Variants in SLC39A11 observed in about 807,000 individuals in gnomAD.
SLC39A11 encodes solute carrier family 39 member 11, also known as zinc transporter ZIP11.
Under a neutral mutation model 36.1 loss-of-function variants are expected in SLC39A11, and 33 were observed. The observed-to-expected ratio is 0.91, with a 90% CI of 0.69 to 1.22. SLC39A11 has a LOEUF of 1.22. Ranked by LOEUF, SLC39A11 falls within the 50% of genes most tolerant of loss-of-function variation. The pLI, the probability that SLC39A11 is intolerant of heterozygous loss-of-function variation, is 0.00. For synonymous variants in SLC39A11, 166 were observed against 170.3 expected (o/e 0.97, Z 0.20); for missense variants, 432 against 430.3 (o/e 1.00, Z -0.03).
chr17:72,974,344 C>A (rs2087680928), intron 4 of SLC39A11, among the ~76,000 whole-genome samples: 1 of 151,892 alleles, frequency 6.6e-6, no homozygotes, highest in South Asian at 2.1e-4. Context: ...AGGTGATCCA[C>A]CCACCTTGGC....
intron 4 of SLC39A11, among the ~76,000 whole-genome samples, chr17:73,030,873 G>T (rs752155782): frequency 2.0e-5 from 3 of 152,138 alleles, no homozygotes. Flanking sequence ...CGGTTTGCAC[G>T]GTGCTTCCCT....
intron 5 of SLC39A11, among the ~76,000 whole-genome samples, chr17:72,883,441 G>A (rs759968924): frequency 7.2e-5 from 11 of 151,780 alleles, no homozygotes; most frequent in Non-Finnish European, 1.6e-4. Flanking sequence ...GGTACCTCCT[G>A]GGTAGTATTT....
intron 3 of SLC39A11, among the ~76,000 whole-genome samples, chr17:73,053,191 AAAC>A (rs1317091670): frequency 3.3e-5 from 5 of 152,240 alleles, no homozygotes; most frequent in East Asian, 3.9e-4. Flanking sequence ...ATCTCAAACA[AAAC>A]AACAACAGAA....
intron 7 of SLC39A11, among the ~76,000 whole-genome samples, chr17:72,652,930 C>T (rs1042477692): frequency 6.6e-6 from 1 of 152,062 alleles, no homozygotes; most frequent in Non-Finnish European, 1.5e-5. Context: ...TCTTGCTTCT[C>T]CTAGGCTGGC....
intron 6 of SLC39A11, among the ~76,000 whole-genome samples, chr17:72,752,820 C>G (rs997629799): frequency 6.6e-6 from 1 of 152,140 alleles, no homozygotes; most frequent in Non-Finnish European, 1.5e-5. Flanking sequence ...AAGCTCTCAA[C>G]AATTTCATCT....
At chr17:72,906,971 G>A (rs1254527901) in intron 5 of SLC39A11, among the ~76,000 whole-genome samples, 2 of 152,118 alleles carry the variant, frequency 1.3e-5, no homozygotes, top group Non-Finnish European at 2.9e-5. Flanking sequence ...CTCCTTCCTG[G>A]AAGGCTCCAA....
chr17:73,050,422 C>A (rs2059455087), intron 3 of SLC39A11, among the ~76,000 whole-genome samples: 1 of 143,802 alleles, frequency 7.0e-6, no homozygotes, highest in African/African-American at 2.6e-5. Context: ...GGCCATGAGG[C>A]AGTTAGGATC....
intron 6 of SLC39A11, among the ~76,000 whole-genome samples, chr17:72,830,959 G>A (rs1441031437): frequency 4.6e-5 from 7 of 152,112 alleles, no homozygotes. Flanking sequence ...TGACCCTTGA[G>A]AACAGGGCAC....
intron 6 of SLC39A11, among the ~76,000 whole-genome samples, chr17:72,784,425 G>T (rs1486912770): frequency 6.6e-6 from 1 of 152,136 alleles, no homozygotes; most frequent in East Asian, 1.9e-4. Flanking sequence ...AGAAGACAGG[G>T]GGTTTGACAC....
At chr17:72,668,597 T>C (rs1010857579) in intron 7 of SLC39A11, among the ~76,000 whole-genome samples, 7 of 152,160 alleles carry the variant, frequency 4.6e-5, no homozygotes, top group Admixed American at 1.3e-4. Context: ...AATGAGAAGT[T>C]CAAAGTGAGG....
chr17:72,818,249 A>C (rs1001151928), intron 6 of SLC39A11, among the ~76,000 whole-genome samples: 1 of 152,184 alleles, frequency 6.6e-6, no homozygotes, highest in African/African-American at 2.4e-5. Context: ...TTGACCCGAA[A>C]GGTCAAGCCA....
At chr17:73,038,810 A>C (rs2059015054) in intron 3 of SLC39A11, among the ~76,000 whole-genome samples, 1 of 142,944 alleles carries the variant, frequency 7.0e-6, no homozygotes, top group Non-Finnish European at 1.5e-5. Context: ...AGGGGAGGGG[A>C]CGAGTTGAGG....
At chr17:72,908,033 G>A (rs905738235) in intron 5 of SLC39A11, among the ~76,000 whole-genome samples, 3 of 152,222 alleles carry the variant, frequency 2.0e-5, no homozygotes, top group African/African-American at 7.2e-5. Context: ...AGCACTCCAA[G>A]CCTTCTATGA....
chr17:72,714,164 T>G (rs2073237427), intron 7 of SLC39A11, among the ~76,000 whole-genome samples: 1 of 152,136 alleles, frequency 6.6e-6, no homozygotes, highest in African/African-American at 2.4e-5. Flanking sequence ...GAGACCAGCC[T>G]GGCCAACATG....
chr17:72,866,434 G>T (rs1272314897), intron 5 of SLC39A11, among the ~76,000 whole-genome samples: 1 of 152,146 alleles, frequency 6.6e-6, no homozygotes, highest in Admixed American at 6.6e-5. Flanking sequence ...CACAATAAAT[G>T]TAATGTGTGT....
At chr17:73,047,985 AAAAAAATATATATATAT>A (rs1313576448) in intron 3 of SLC39A11, among the ~76,000 whole-genome samples, 7 of 53,484 alleles carry the variant, frequency 1.3e-4, no homozygotes, top group Admixed American at 6.3e-4. Flanking sequence ...AAAAAAAAAA[AAAAAAATATATATATAT>A]ATATATATAT....
intron 4 of SLC39A11, among the ~76,000 whole-genome samples, chr17:72,960,431 A>C (rs1033668890): frequency 6.6e-6 from 1 of 152,178 alleles, no homozygotes; most frequent in African/African-American, 2.4e-5. Context: ...AGATAGATAG[A>C]TAAATAGCCT....
At chr17:72,662,742 AG>A (rs1361100416) in intron 7 of SLC39A11, among the ~76,000 whole-genome samples, 2 of 151,420 alleles carry the variant, frequency 1.3e-5, no homozygotes, top group East Asian at 3.9e-4. Flanking sequence ...GAAAGAAAAA[AG>A]AAAAAAAGGA....
chr17:72,737,376 G>C (rs2074475147), intron 6 of SLC39A11, among the ~76,000 whole-genome samples: 1 of 152,202 alleles, frequency 6.6e-6, no homozygotes, highest in African/African-American at 2.4e-5. Flanking sequence ...CTGACGAAAT[G>C]TTTATGGTGG....
Sources: allele counts gnomAD v4.1 joint callset (sites outside exome capture counted in the v4.1 genomes callset), GRCh38; gene constraint gnomAD v4.1.1; transcripts MANE v1.5; gene names NCBI Gene and HGNC (gene_info 2026-07-23, HGNC 2026-07-21).